Variants in DEPDC5 observed in about 807,000 individuals in gnomAD.
The protein encoded by DEPDC5 is DEP domain containing 5, GATOR1 subcomplex subunit, also known as GATOR1 complex protein DEPDC5.
A neutral mutation model predicts 217.3 loss-of-function variants in DEPDC5; 73 were observed. That is an observed-to-expected ratio of 0.34 (90% CI 0.28 to 0.41). The LOEUF (loss-of-function observed/expected upper bound fraction) is 0.41. Ranked by LOEUF, DEPDC5 falls within the 10% of genes least tolerant of loss-of-function variation. The pLI, the probability that DEPDC5 is intolerant of heterozygous loss-of-function variation, is 1.00. For missense variants in DEPDC5, 1,675 were observed against 2,070.1 expected (o/e 0.81, Z 3.70); for synonymous variants, 733 against 756.7 (o/e 0.97, Z 0.51).
chr22:31,814,996 G>C lies in DEPDC5; in HGVS notation c.1450G>C (p.Val484Leu). 2 of 1,614,024 alleles carry C rather than the reference G, an allele frequency of 1.2e-6. No individual in the cohort carries two copies. The highest frequency in any genetic ancestry group is 1.7e-6 in the Non-Finnish European group (2 of 1,179,930). Residue 484 changes from valine (V) to leucine (L), a missense_variant, in exon 21 of 43, where the codon GTG becomes CTG. Physicochemically the swap from Val to Leu is conservative, Grantham distance 32 (BLOSUM62 1). Transcript: ENST00000651528. ...RAQCLTTCRSVRERESHSRKS... is the reference protein window; with the variant it reads ...RAQCLTTCRSLRERESHSRKS... ...TTTTTGTCTCTTGCCTGGCAGATCTGTGCGAGAGCGAGAGAGTCACAGTCG... is the reference window on the plus strand; with the variant it reads ...TTTTTGTCTCTTGCCTGGCAGATCTCTGCGAGAGCGAGAGAGTCACAGTCG...
chr22:31,773,074 G>A (rs1005512025), intron 7 of DEPDC5, among the ~76,000 whole-genome samples: 1 of 152,082 alleles, frequency 6.6e-6, no homozygotes, highest in Non-Finnish European at 1.5e-5. Flanking sequence ...AAGTCACCAC[G>A]CCTGGCTGAT....
At position 31,906,210 on chromosome 22, in the gene DEPDC5, G is replaced by A. The variant is rs2093755756; in HGVS notation, c.4525G>A (p.Val1509Met). 1 of 1,613,734 alleles carries A rather than the reference G, an allele frequency of 6.2e-7. No individual in the cohort carries two copies. Among genetic ancestry groups the A allele is most frequent in the Admixed American group, 1.7e-5 (1 of 60,002 alleles). The part of the protein sequence containing the change: ...KPQYIHVTGT[V>M]FLQLPYSKRK... ...GCGCTCCCCTTTCTCTTCAGGAACA[G>A]TGTTTCTGCAGCTGCCCTACTCCAA... Residue 1509 changes from valine (V) to methionine (M), a missense_variant, in exon 43 of 43, where the codon GTG (valine) becomes ATG (methionine). By Grantham distance (21) the Val-to-Met change is conservative. Coordinates refer to ENST00000651528, the MANE Select transcript of DEPDC5 (RefSeq NM_001242896.3). This position sits in a 1 kb window ranked among gnomAD's most constrained non-coding sequence, Gnocchi z 5.1.
intron 4 of DEPDC5, among the ~76,000 whole-genome samples, chr22:31,763,951 A>G (rs1264946015): frequency 6.6e-6 from 1 of 151,910 alleles, no homozygotes; most frequent in Non-Finnish European, 1.5e-5. Context: ...TTATTTTGAG[A>G]TGGAGTATCC....
intron 24 of DEPDC5, among the ~76,000 whole-genome samples, chr22:31,826,897 GT>G (rs74267286): frequency 0.016 from 2,237 of 140,168 alleles, 25 homozygotes; most frequent in African/African-American, 0.036. Context: ...ATTATACATA[GT>G]TTTTTTTTTT....
chr22:31,830,677 G>C (rs971458655), intron 24 of DEPDC5, among the ~76,000 whole-genome samples: 1 of 151,404 alleles, frequency 6.6e-6, no homozygotes, highest in Non-Finnish European at 1.5e-5. Flanking sequence ...GTGTAGGTAG[G>C]TGTGTCCACT....
chr22:31,854,762 G>A (rs559521510), intron 31 of DEPDC5, among the ~76,000 whole-genome samples: 1 of 152,246 alleles, frequency 6.6e-6, no homozygotes, highest in Admixed American at 6.5e-5. Flanking sequence ...AGGAAGTACA[G>A]GGCACAGAAG....
At chr22:31,844,977 C>A (rs775309175) in intron 29 of DEPDC5, 41 bp from the exon 30 acceptor site, 15 of 1,606,230 alleles carry the variant, frequency 9.3e-6, no homozygotes, top group Non-Finnish European at 1.3e-5. Context: ...TCATTATCTC[C>A]TTTCTCTCAC....
rs138091568 is a variant in DEPDC5 at position 31,807,480 on chromosome 22, G to A, written c.1287+1289G>A. On this transcript the variant is annotated intron_variant, in intron 18 of 42. Coordinates refer to ENST00000651528, the MANE Select transcript of DEPDC5 (RefSeq NM_001242896.3). ...GGAATCTTGCTCTGTCTCCCAAGCT[G>A]GAGTGCAGTGGCGTGATCTTGGCTT... Among the ~76,000 whole-genome samples the A allele has an allele frequency of 3.8e-3, 575 of 152,298 alleles. 5 individuals carry two copies. Among genetic ancestry groups the A allele is most frequent in the Admixed American group, 0.012 (184 of 15,290 alleles).
intron 27 of DEPDC5, among the ~76,000 whole-genome samples, chr22:31,842,256 T>C (rs1279339672): frequency 3.9e-5 from 6 of 152,190 alleles, no homozygotes; most frequent in Admixed American, 3.9e-4. Flanking sequence ...ATTTCAGTGG[T>C]GGCCCAGGAA....
intron 8 of DEPDC5, 112 bp downstream of exon 8, chr22:31,778,280 T>C (rs2084086812): frequency 9.3e-7 from 1 of 1,074,682 alleles, no homozygotes; most frequent in African/African-American, 1.6e-5. Flanking sequence ...GGCAGATTGC[T>C]TTATCCCAGG....
chr22:31,828,677 G>A (rs1228633112), intron 24 of DEPDC5, among the ~76,000 whole-genome samples: 1 of 151,904 alleles, frequency 6.6e-6, no homozygotes, highest in Non-Finnish European at 1.5e-5. Context: ...TTCCTTTCAA[G>A]CCATCCTCAG....
chr22:31,866,390 A>G (rs1187155004), intron 33 of DEPDC5, among the ~76,000 whole-genome samples: 4 of 150,634 alleles, frequency 2.7e-5, no homozygotes, highest in Non-Finnish European at 5.9e-5. Flanking sequence ...CTTTCCTTAC[A>G]TTTTTCTTTC....
chr22:31,899,082 A>G lies in DEPDC5; in HGVS notation c.4375+1429A>G, dbSNP rs118061123. Among the ~76,000 whole-genome samples, 1,492 of 152,348 alleles carry G rather than the reference A, an allele frequency of 9.8e-3. 9 individuals carry two copies. The highest frequency in any genetic ancestry group is 0.02 in the Middle Eastern group (6 of 294). On this transcript the variant is annotated intron_variant, in intron 40 of 42. Coordinates refer to ENST00000651528, the MANE Select transcript of DEPDC5 (RefSeq NM_001242896.3). ...GGTTTTTCACCTTTGCTATAACAGC[A>G]CAGGATTGCCCACAGGGCTGGCGTT... is the stretch of plus-strand genomic sequence containing the variant.
intron 33 of DEPDC5, among the ~76,000 whole-genome samples, chr22:31,868,979 C>T (rs1466539982): frequency 6.6e-6 from 1 of 152,060 alleles, no homozygotes; most frequent in Non-Finnish European, 1.5e-5. Flanking sequence ...AACAACATTA[C>T]AGGCTGTAAT....
chr22:31,874,009 T>G, intron 35 of DEPDC5: 1 of 356,128 alleles, frequency 2.8e-6, no homozygotes, highest in Non-Finnish European at 5.1e-6. Context: ...GTCAGGCTGG[T>G]CTCAAACTCC....
chr22:31,878,231 A>G (rs2093060647), intron 37 of DEPDC5, among the ~76,000 whole-genome samples: 1 of 151,446 alleles, frequency 6.6e-6, no homozygotes, highest in Non-Finnish European at 1.5e-5. Context: ...AGCTAGTGCC[A>G]CTCCCCATGC....
intron 12 of DEPDC5, among the ~76,000 whole-genome samples, 193 bp from the exon 13 acceptor site, chr22:31,797,407 A>G (rs768089022): frequency 6.6e-6 from 1 of 152,112 alleles, no homozygotes; most frequent in Non-Finnish European, 1.5e-5. Flanking sequence ...CTTTTAAACC[A>G]TCAGATATCG....
At chr22:31,785,674 GT>G in intron 10 of DEPDC5, among the ~76,000 whole-genome samples, 1 of 151,718 alleles carries the variant, frequency 6.6e-6, no homozygotes. Flanking sequence ...GGGGAACGAA[GT>G]TGGAGGACTC....
At chr22:31,871,938 C>G (rs1041892555) in intron 34 of DEPDC5, among the ~76,000 whole-genome samples, 2 of 152,230 alleles carry the variant, frequency 1.3e-5, no homozygotes, top group African/African-American at 4.8e-5. Flanking sequence ...TGCCCAGACA[C>G]GTGGTCTCAG....
Sources: gnomAD v4.1 joint callset for allele counts (sites outside exome capture counted in the v4.1 genomes callset) on GRCh38, gnomAD v4.1.1 for gene constraint, Gnocchi (gnomAD v3.1) non-coding constraint, MANE v1.5 for transcripts, NCBI Gene and HGNC (gene_info 2026-07-23, HGNC 2026-07-21) for gene names.